Variants in AGBL3 observed in about 807,000 individuals in gnomAD.
AGBL3 encodes the protein cytosolic carboxypeptidase 3.
A neutral mutation model predicts 94.5 loss-of-function variants in AGBL3; 68 were observed. The observed-to-expected ratio is 0.72, with a 90% CI of 0.59 to 0.88. The LOEUF (loss-of-function observed/expected upper bound fraction) is 0.88. AGBL3 is among the 40% of genes least tolerant of loss of function. The pLI is 0.00. For synonymous variants in AGBL3, 354 were observed against 370.7 expected (o/e 0.95, Z 0.52); for missense variants, 934 against 1,103.8 (o/e 0.85, Z 2.18).
chr7:135,088,089 A>T (rs1341272466), intron 15 of AGBL3, among the ~76,000 whole-genome samples: 1 of 151,956 alleles, frequency 6.6e-6, no homozygotes, highest in Non-Finnish European at 1.5e-5. Flanking sequence ...TCTTGTTTAC[A>T]GTTTTTGACT....
chr7:135,040,237 C>T (rs1046973356), intron 8 of AGBL3, among the ~76,000 whole-genome samples: 10 of 152,158 alleles, frequency 6.6e-5, no homozygotes, highest in Admixed American at 6.5e-4. Flanking sequence ...CAGTTGGATT[C>T]ACTGAGGCAT....
chr7:135,096,164 T>A (rs1021341332), intron 15 of AGBL3, among the ~76,000 whole-genome samples: 1 of 136,444 alleles, frequency 7.3e-6, no homozygotes, highest in Non-Finnish European at 1.6e-5. Context: ...AAAAAAAAAA[T>A]TAATCTTTGA....
chr7:135,007,638 G>A (rs1162674508), intron 4 of AGBL3, among the ~76,000 whole-genome samples: 2 of 151,842 alleles, frequency 1.3e-5, no homozygotes, highest in Non-Finnish European at 2.9e-5. Flanking sequence ...ACTTTTATAC[G>A]ACATTGTAAT....
At chr7:135,056,426 T>C (rs778170482) in intron 11 of AGBL3, among the ~76,000 whole-genome samples, 1 of 152,184 alleles carries the variant, frequency 6.6e-6, no homozygotes, top group East Asian at 1.9e-4. Context: ...TCTACAAATA[T>C]TGATAAGTTG....
chr7:135,053,298 G>A (rs891660114), intron 11 of AGBL3, among the ~76,000 whole-genome samples: 3 of 152,070 alleles, frequency 2.0e-5, no homozygotes, highest in Non-Finnish European at 4.4e-5. Context: ...AAAGTAGTTA[G>A]TACCTTGTTA....
chr7:134,987,928 GA>G lies in AGBL3; in HGVS notation c.-2del. On this transcript the variant is annotated 5_prime_UTR_variant, in exon 2 of 17. Transcript: ENST00000436302. ...ACAAGAAATCTCAAGTCAAACACTG[GA>G]AAAGATGTCAGAAGATTCAGAAAAG... 1 of 1,546,400 alleles carries G rather than the reference GA, an allele frequency of 6.5e-7. No homozygotes were observed. Among genetic ancestry groups the G allele is most frequent in the Admixed American group, 2.0e-5 (1 of 50,058 alleles).
intron 5 of AGBL3, among the ~76,000 whole-genome samples, chr7:135,027,462 T>G (rs1291365411): frequency 5.3e-5 from 8 of 151,658 alleles, no homozygotes; most frequent in Non-Finnish European, 4.4e-5. Context: ...GTATTTACCA[T>G]TTCTTCTCCT....
chr7:135,046,023 G>A, intron 11 of AGBL3, 112 bp downstream of exon 11: 1 of 761,546 alleles, frequency 1.3e-6, no homozygotes, highest in Non-Finnish European at 2.1e-6. Flanking sequence ...AACTGTAAGT[G>A]GTGGAAAATT....
chr7:134,987,722 T>G (rs1279690868), intron 1 of AGBL3, among the ~76,000 whole-genome samples, 153 bp from the exon 2 acceptor site: 2 of 152,302 alleles, frequency 1.3e-5, no homozygotes, highest in Non-Finnish European at 2.9e-5. Context: ...CCTTTAACTC[T>G]TTGAAATTGA....
chr7:134,989,088 G>C (rs1809873765), intron 2 of AGBL3, among the ~76,000 whole-genome samples, 162 bp from the exon 3 acceptor site: 1 of 152,092 alleles, frequency 6.6e-6, no homozygotes, highest in Non-Finnish European at 1.5e-5. Flanking sequence ...TGAAGTGTTG[G>C]GTGCATTGAG....
At chr7:135,044,429 A>G (rs991297870) in intron 9 of AGBL3, among the ~76,000 whole-genome samples, 1 of 152,092 alleles carries the variant, frequency 6.6e-6, no homozygotes, top group African/African-American at 2.4e-5. Flanking sequence ...TTTTAAGGGG[A>G]TATCTACAGA....
chr7:135,034,245 A>G lies in AGBL3; in HGVS notation c.654A>G (p.Gly218=). The change falls in exon 7 of 17, where the codon GGA becomes GGG. Residue 218 remains glycine, a synonymous_variant. Transcript: ENST00000436302. Reference sequence around the variant, plus strand: ...TCCAAGTCACTAATATGCGAGCAGGAATAGTCTACAGATTCACTATTGTCA... The same window carrying G: ...TCCAAGTCACTAATATGCGAGCAGGGATAGTCTACAGATTCACTATTGTCA... ...YYFQVTNMRA[G]IVYRFTIVNF... is the part of the protein sequence containing the mutation. 6.4e-7 allele frequency: 1 copy of G among 1,551,742 alleles called. No individual in the cohort carries two copies. Among genetic ancestry groups the G allele is most frequent in the Non-Finnish European group, 8.7e-7 (1 of 1,146,992 alleles).
intron 11 of AGBL3, chr7:135,051,178 G>T: frequency 8.9e-6 from 2 of 224,820 alleles, no homozygotes; most frequent in Non-Finnish European, 8.9e-6. Flanking sequence ...TTACAGGAAA[G>T]GTAAAACAAA....
At chr7:135,069,759 C>G (rs1162538610) in intron 12 of AGBL3, among the ~76,000 whole-genome samples, 1 of 151,920 alleles carries the variant, frequency 6.6e-6, no homozygotes, top group Non-Finnish European at 1.5e-5. Flanking sequence ...TAAATGCCCA[C>G]AAGAGAAAGC....
At chr7:135,016,155 G>C (rs866923599) in intron 4 of AGBL3, among the ~76,000 whole-genome samples, 2 of 152,044 alleles carry the variant, frequency 1.3e-5, no homozygotes, top group South Asian at 2.1e-4. Flanking sequence ...ACTTAAGTTG[G>C]TTAAGACTTT....
At position 135,032,961 on chromosome 7, in the gene AGBL3, A is replaced by C; in HGVS notation, c.536A>C (p.Asn179Thr). 1 of 1,550,910 alleles carries C rather than the reference A, an allele frequency of 6.4e-7. No individual in the cohort carries two copies. The highest frequency in any genetic ancestry group is 8.7e-7 in the Non-Finnish European group (1 of 1,146,452). ...TTTGAAGCAAGGTTTGAGAGTGGTA[A>C]TCTACAGAAGGTAGTCAAAGTGTAG... ...LMFEARFESG[N>T]LQKVVKVAEY... is the part of the protein sequence containing the mutation. Residue 179 changes from asparagine to threonine, a missense_variant, in exon 6 of 17, where the codon AAT (asparagine) becomes ACT (threonine). Asn to Thr is a moderately conservative substitution (Grantham distance 65). This residue lies in a region of AGBL3 where 488 missense variants were observed against 563.6 expected (regional missense o/e 0.87). Transcript: ENST00000436302.
intron 13 of AGBL3, among the ~76,000 whole-genome samples, chr7:135,077,421 C>G (rs1041129685): frequency 6.6e-6 from 1 of 152,126 alleles, no homozygotes; most frequent in Admixed American, 6.5e-5. Flanking sequence ...CAGGGTATCA[C>G]TTGGAGGGAA....
chr7:135,049,748 A>C (rs1332081278), intron 11 of AGBL3, among the ~76,000 whole-genome samples: 1 of 151,830 alleles, frequency 6.6e-6, no homozygotes, highest in Non-Finnish European at 1.5e-5. Flanking sequence ...TTTCTGTAGT[A>C]TCAGCTATGA....
chr7:135,019,793 C>G (rs1814223458), intron 5 of AGBL3, among the ~76,000 whole-genome samples: 1 of 152,058 alleles, frequency 6.6e-6, no homozygotes, highest in Admixed American at 6.6e-5. Context: ...TTTGACAAAC[C>G]TGACAAAAAC....
Sources: gnomAD v4.1 joint callset for allele counts (sites outside exome capture counted in the v4.1 genomes callset) on GRCh38, gnomAD v4.1.1 for gene constraint, gnomAD v4.1.1 regional missense constraint, MANE v1.5 for transcripts, NCBI Gene and HGNC (gene_info 2026-07-23, HGNC 2026-07-21) for gene names.